TSHZ2: variants seen among roughly 807,000 people sequenced by gnomAD.
TSHZ2 encodes the protein teashirt zinc finger homeobox 2.
In TSHZ2, 21 loss-of-function variants were observed where a neutral mutation model predicts 74.4. The ratio of observed to expected loss-of-function variants is 0.28; its 90% CI spans 0.20 to 0.41. The LOEUF is 0.41. TSHZ2 is among the 10% of genes least tolerant of loss of function. The pLI is 1.00. For missense variants in TSHZ2, 1,244 were observed against 1,293.5 expected, an observed-to-expected ratio of 0.96 and a Z score of 0.59; for synonymous variants, 540 against 515.3, an observed-to-expected ratio of 1.05 and a Z score of -0.65.
At chr20:53,023,176 G>C (rs766877925) in intron 1 of TSHZ2, among the ~76,000 whole-genome samples, 11 of 152,136 alleles carry the variant, frequency 7.2e-5, no homozygotes, top group Non-Finnish European at 1.6e-4. Flanking sequence ...TTGAAGCATT[G>C]CTACATTTTT....
chr20:53,467,464 G>A (rs899421679), intron 2 of TSHZ2, among the ~76,000 whole-genome samples: 1 of 152,134 alleles, frequency 6.6e-6, no homozygotes, highest in Non-Finnish European at 1.5e-5. Context: ...TATATGCAAT[G>A]CAGCAAAATT....
intron 1 of TSHZ2, among the ~76,000 whole-genome samples, chr20:53,054,197 C>CAG (rs1236892817): frequency 6.6e-6 from 1 of 152,212 alleles, no homozygotes; most frequent in Non-Finnish European, 1.5e-5. Context: ...ATATTTCACA[C>CAG]AGATGCAGCC....
At chr20:53,160,352 G>A (rs926072284) in intron 1 of TSHZ2, among the ~76,000 whole-genome samples, 6 of 152,162 alleles carry the variant, frequency 3.9e-5, no homozygotes, top group African/African-American at 4.8e-5. Flanking sequence ...TGGCTATGCC[G>A]AGTCTAATCC....
intron 1 of TSHZ2, among the ~76,000 whole-genome samples, chr20:53,039,871 G>C (rs1983973502): frequency 6.6e-6 from 1 of 151,988 alleles, no homozygotes; most frequent in Admixed American, 6.6e-5. Context: ...ACTTTGGGAG[G>C]CCAAAGTGGG....
chr20:53,261,910 A>C (rs1224147718), intron 2 of TSHZ2, among the ~76,000 whole-genome samples: 2 of 152,176 alleles, frequency 1.3e-5, no homozygotes, highest in Admixed American at 1.3e-4. Flanking sequence ...GAAAGTGAGG[A>C]GGGGAAAATA....
At chr20:53,178,268 A>T (rs888452765) in intron 1 of TSHZ2, 3 of 152,236 alleles carry the variant, frequency 2.0e-5, no homozygotes, top group Non-Finnish European at 4.4e-5. Context: ...TCAGACACTC[A>T]TCTGCAGCTT....
chr20:53,300,998 C>T (rs1991466986), intron 2 of TSHZ2, among the ~76,000 whole-genome samples: 1 of 152,088 alleles, frequency 6.6e-6, no homozygotes, highest in Admixed American at 6.6e-5. Flanking sequence ...CTCTGTCACC[C>T]AGGCTGGAGG....
intron 1 of TSHZ2, among the ~76,000 whole-genome samples, chr20:53,081,050 C>G (rs550375084): frequency 6.6e-6 from 1 of 152,320 alleles, no homozygotes; most frequent in African/African-American, 2.4e-5. Flanking sequence ...GGATCTTTCT[C>G]TGTCACCCAA....
At position 53,063,762 on chromosome 20, in the gene TSHZ2, GTGTT is replaced by G. The variant is rs534646597; in HGVS notation, c.40+90433_40+90436del. Reference sequence around the variant, plus strand: ...TGAATATGCAAGGAAATTTGAATGTGTGTTTGTCAGCAACCGAATATTTGGCAAA... The same window carrying G: ...TGAATATGCAAGGAAATTTGAATGTGTGTCAGCAACCGAATATTTGGCAAA... On this transcript the variant is annotated intron_variant, in intron 1 of 2. Coordinates refer to ENST00000371497, the MANE Select transcript of TSHZ2 (RefSeq NM_173485.6). Among the ~76,000 whole-genome samples the G allele has an allele frequency of 7.4e-3, 1,133 of 152,342 alleles. 11 individuals are homozygous for G. The highest frequency in any genetic ancestry group is 0.013 in the Non-Finnish European group (862 of 68,032).
chr20:53,040,141 A>G (rs1983984125), intron 1 of TSHZ2, among the ~76,000 whole-genome samples: 1 of 152,192 alleles, frequency 6.6e-6, no homozygotes, highest in Non-Finnish European at 1.5e-5. Context: ...TTAGGACCTC[A>G]GGGAGAGATG....
intron 1 of TSHZ2, among the ~76,000 whole-genome samples, chr20:53,007,091 G>C (rs190905663): frequency 6.6e-6 from 1 of 152,168 alleles, no homozygotes; most frequent in African/African-American, 2.4e-5. Context: ...GGCTGCTACT[G>C]TGAGGGTGTC....
At position 52,975,195 on chromosome 20, in the gene TSHZ2, G is replaced by A. The variant is rs190489107; in HGVS notation, c.40+1862G>A. Among the ~76,000 whole-genome samples the A allele has an allele frequency of 2.0e-3, 299 of 152,110 alleles. 8 individuals carry two copies. Among genetic ancestry groups the A allele is most frequent in the Admixed American group, 0.019 (293 of 15,288 alleles). ...GAGATAACGTCCTTATTGTTGTCCCGAAAGAGAACCCTGGGCTACGGTCCA... is the reference window on the plus strand; with the variant it reads ...GAGATAACGTCCTTATTGTTGTCCCAAAAGAGAACCCTGGGCTACGGTCCA... On this transcript the variant is annotated intron_variant, in intron 1 of 2. Transcript: ENST00000371497.
chr20:53,368,459 A>AC (rs1981353881), intron 2 of TSHZ2, among the ~76,000 whole-genome samples: 2 of 151,826 alleles, frequency 1.3e-5, no homozygotes, highest in Admixed American at 1.3e-4. Flanking sequence ...GCCTGCCACA[A>AC]CCCCCAGCTA....
chr20:53,467,482 AAAT>A (rs1985596705), intron 2 of TSHZ2, among the ~76,000 whole-genome samples: 1 of 152,256 alleles, frequency 6.6e-6, no homozygotes, highest in South Asian at 2.1e-4. Context: ...ATTATAAAAG[AAAT>A]AATAGAAATC....
At chr20:53,214,115 C>A (rs1989379932) in intron 1 of TSHZ2, among the ~76,000 whole-genome samples, 1 of 152,062 alleles carries the variant, frequency 6.6e-6, no homozygotes, top group East Asian at 1.9e-4. Flanking sequence ...TAGCCCAAAT[C>A]AAATGAAATT....
At position 53,081,215 on chromosome 20, in the gene TSHZ2, A is replaced by G. The variant is rs146632952; in HGVS notation, c.40+107882A>G. 3.6e-3 allele frequency among the ~76,000 whole-genome samples: 545 copies of G among 152,108 alleles called. 1 individual carries two copies. The highest frequency in any genetic ancestry group is 0.012 in the African/African-American group (485 of 41,480). ...ATTATCTTATTATTTTTTATTTTGT[A>G]AAGATGAGGTCTCGCTATGTTACCC... On this transcript the variant is annotated intron_variant, in intron 1 of 2. Coordinates refer to ENST00000371497, the MANE Select transcript of TSHZ2 (RefSeq NM_173485.6).
In TSHZ2 at chr20:53,343,316, C is replaced by G. The variant is rs547074908; in HGVS notation, c.*8+86745C>G. On this transcript the variant is annotated intron_variant, in intron 2 of 2. Coordinates refer to ENST00000371497, the MANE Select transcript of TSHZ2 (RefSeq NM_173485.6). ...GCAGGTGCGGCCACACTGGGAGTAG[C>G]GAGGCTGGACACTGACTCCTACCTC... Among the ~76,000 whole-genome samples the G allele has an allele frequency of 2.6e-5, 4 of 152,242 alleles. No individual in the cohort carries two copies. In the East Asian group the frequency reaches 7.7e-4, roughly 29 times the overall value.
chr20:53,281,830 T>C (rs73150626), intron 2 of TSHZ2, among the ~76,000 whole-genome samples: 13,478 of 152,238 alleles, frequency 0.089, 637 homozygotes, highest in African/African-American at 0.11. Flanking sequence ...AAGCAAGGGC[T>C]GGGCTACCTT....
intron 1 of TSHZ2, among the ~76,000 whole-genome samples, chr20:53,053,910 CTAAT>C (rs1984560557): frequency 6.6e-6 from 1 of 152,178 alleles, no homozygotes; most frequent in Admixed American, 6.5e-5. Flanking sequence ...GCTACCCTGT[CTAAT>C]TAGTGACTGC....
Sources: allele counts gnomAD v4.1 joint callset (sites outside exome capture counted in the v4.1 genomes callset), GRCh38; gene constraint gnomAD v4.1.1; transcripts MANE v1.5; gene names NCBI Gene and HGNC (gene_info 2026-07-23, HGNC 2026-07-21).